Variants in PDE1B observed in about 807,000 individuals in gnomAD.
PDE1B encodes the protein phosphodiesterase 1B.
A neutral mutation model predicts 66.7 loss-of-function variants in PDE1B; 13 were observed. The ratio of observed to expected loss-of-function variants is 0.19; its 90% CI spans 0.13 to 0.31. The LOEUF (loss-of-function observed/expected upper bound fraction) is 0.31. Among genes scored for constraint, PDE1B ranks in the 10% least tolerant of loss-of-function variants. The probability of loss-of-function intolerance (pLI) is 1.00; values close to 1 mark genes in which losing one functional copy is unlikely to be tolerated. For synonymous variants in PDE1B, 230 were observed against 253.9 expected (o/e 0.91, Z 0.90); for missense variants, 485 against 682.3 (o/e 0.71, Z 3.22).
intron 15 of PDE1B, 43 bp from the exon 16 acceptor site, chr12:54,577,817 A>T: frequency 2.7e-6 from 1 of 365,808 alleles, no homozygotes; most frequent in South Asian, 9.8e-5. Flanking sequence ...GTTGGAGGTG[A>T]AGGCAAAGCT....
chr12:54,575,890 C>A lies in PDE1B; in HGVS notation c.1268-102C>A. The A allele has an allele frequency of 1.1e-6, 1 of 912,938 alleles. No individual in the cohort carries two copies. The highest frequency in any genetic ancestry group is 1.8e-6 in the Non-Finnish European group (1 of 552,278). 56.6% of individuals were successfully genotyped at this position (912,938 alleles called of 1,614,324 possible). ...CAGCCCCAGGTTACCTCTCCATCCT[C>A]TTTCATAAGCAGCCAGGGGTCCTGG... is the stretch of plus-strand genomic sequence containing the variant. On this transcript the variant is annotated intron_variant, in intron 12 of 15. Coordinates refer to ENST00000243052, the MANE Select transcript of PDE1B (RefSeq NM_000924.4). The surrounding 1 kb of genome is among the most constrained non-coding windows in gnomAD (Gnocchi z 4.0).
intron 5 of PDE1B, 45 bp from the exon 6 acceptor site, chr12:54,570,196 C>T: frequency 8.5e-7 from 1 of 1,177,488 alleles, no homozygotes; most frequent in African/African-American, 1.5e-5. Flanking sequence ...TAACTTCAAC[C>T]CTTGCTGCTG....
intron 15 of PDE1B, 63 bp downstream of exon 15, chr12:54,577,408 C>T (rs767892494): frequency 4.2e-5 from 68 of 1,607,136 alleles, no homozygotes; most frequent in South Asian, 2.2e-4. Flanking sequence ...TTTGTTGGGT[C>T]GTCTCTGGGC....
intron 6 of PDE1B, 138 bp downstream of exon 6, chr12:54,570,495 C>T (rs1398586227): frequency 1.5e-6 from 1 of 648,366 alleles, no homozygotes; most frequent in African/African-American, 1.8e-5. Flanking sequence ...CATGCCCACG[C>T]CCAGCCTAGC....
chr12:54,576,794 C>G (rs1196960732), intron 14 of PDE1B, 93 bp downstream of exon 14: 15 of 1,363,018 alleles, frequency 1.1e-5, no homozygotes, highest in Non-Finnish European at 1.5e-5. Flanking sequence ...CTGGGGAAAC[C>G]CTTTGCCGGA....
At chr12:54,560,733 C>G (rs1455680377) in intron 2 of PDE1B, among the ~76,000 whole-genome samples, 1 of 152,208 alleles carries the variant, frequency 6.6e-6, no homozygotes, top group Non-Finnish European at 1.5e-5. Context: ...CTCTTTTGGC[C>G]CCTCCTGGGC....
intron 2 of PDE1B, among the ~76,000 whole-genome samples, chr12:54,553,065 T>A (rs1261883080): frequency 6.6e-6 from 1 of 152,200 alleles, no homozygotes; most frequent in Non-Finnish European, 1.5e-5. Context: ...CAGTCGGTGG[T>A]GGACAAAACA....
At chr12:54,556,253 G>T (rs1957340618) in intron 2 of PDE1B, among the ~76,000 whole-genome samples, 1 of 152,154 alleles carries the variant, frequency 6.6e-6, no homozygotes, top group South Asian at 2.1e-4. Flanking sequence ...ACTGGAAGTT[G>T]TTAGATAATG....
intron 2 of PDE1B, among the ~76,000 whole-genome samples, chr12:54,564,005 C>T (rs1189703949): frequency 6.6e-6 from 1 of 152,092 alleles, no homozygotes; most frequent in Non-Finnish European, 1.5e-5. Context: ...TCTTGTATAG[C>T]TTCTGTTGAA....
In PDE1B at chr12:54,567,051, C is replaced by T; in HGVS notation, c.191C>T (p.Ala64Val). ...EELKKNLEYT[A>V]SLLEAVYIDE... is the part of the protein sequence containing the mutation. ...CTGAAGAAAAATCTGGAGTACACAG[C>T]TTCTCTGCTGGAAGCCGTCTACATA... The change falls in exon 3 of 16, where the codon GCT becomes GTT. Residue 64 changes from alanine (A) to valine (V), a missense_variant. Ala to Val is a moderately conservative substitution (Grantham distance 64, BLOSUM62 0). This residue lies in a region of PDE1B where 74 missense variants were observed against 78.7 expected (regional missense o/e 0.94). Transcript: ENST00000243052. The T allele has an allele frequency of 6.2e-7, 1 of 1,608,108 alleles. No individual in the cohort carries two copies. Among genetic ancestry groups the T allele is most frequent in the East Asian group, 2.2e-5 (1 of 44,814 alleles).
chr12:54,575,837 C>T lies in PDE1B; in HGVS notation c.1268-155C>T. On this transcript the variant is annotated intron_variant, in intron 12 of 15. Coordinates refer to ENST00000243052, the MANE Select transcript of PDE1B (RefSeq NM_000924.4). The surrounding 1 kb of genome is among the most constrained non-coding windows in gnomAD (Gnocchi z 4.0). ...TCTCTGGGGCACCAAGACATCATCC[C>T]AAAGCCTGCCCTGCATTGGGAAGTT... 9 of 743,382 alleles carry T rather than the reference C, an allele frequency of 1.2e-5. No individual in the cohort carries two copies. The South Asian group carries it at 1.4e-4, about 12-fold the overall frequency. The allele number at this position is 743,382 out of a possible 1,614,324, so 46.0% of individuals were successfully genotyped here.
At position 54,573,906 on chromosome 12, in the gene PDE1B, TG is replaced by T. The variant is rs1957672983; in HGVS notation, c.1064+198del. 3.4e-6 allele frequency: 2 copies of T among 580,952 alleles called. No individual in the cohort carries two copies. Among genetic ancestry groups the T allele is most frequent in the Non-Finnish European group, 6.2e-6 (2 of 322,288 alleles). 36.0% of individuals were successfully genotyped at this position (580,952 alleles called of 1,614,324 possible). The stretch of plus-strand genomic sequence containing the variant: ...GTGTGTGTGTGTGTGTGTGTGTGTG[TG>T]TGTGTCCTTACGTTTACTCACAGCC... On this transcript the variant is annotated intron_variant, in intron 10 of 15. Transcript: ENST00000243052. The surrounding 1 kb of genome is among the most constrained non-coding windows in gnomAD (Gnocchi z 5.2).
Position 54,562,517 on chromosome 12 carries a change from G to A in PDE1B, c.114-4457G>A, listed in dbSNP as rs144462978. Among the ~76,000 whole-genome samples the A allele has an allele frequency of 3.2e-3, 489 of 152,328 alleles. 1 individual carries two copies. Among genetic ancestry groups the A allele is most frequent in the Middle Eastern group, 0.031 (9 of 294 alleles). On this transcript the variant is annotated intron_variant, in intron 2 of 15. Coordinates refer to ENST00000243052, the MANE Select transcript of PDE1B (RefSeq NM_000924.4). The stretch of plus-strand genomic sequence containing the variant: ...GGGGTTGAGCATCCTGTTCTACAGG[G>A]AAAGGTACCTTTACTGTGCCAGATT...
intron 2 of PDE1B, chr12:54,561,496 G>C: frequency 7.2e-7 from 1 of 1,385,962 alleles, no homozygotes; most frequent in Non-Finnish European, 9.4e-7. Flanking sequence ...AGGAAGGCAG[G>C]GGCCAAAGAG....
At chr12:54,576,802 G>A (rs760913858) in intron 14 of PDE1B, 101 bp downstream of exon 14, 9 of 1,292,034 alleles carry the variant, frequency 7.0e-6, no homozygotes, top group East Asian at 2.5e-5. Context: ...ACCCTTTGCC[G>A]GACTCCTTGA....
chr12:54,553,736 C>T lies in PDE1B; in HGVS notation c.113+3751C>T, dbSNP rs1957309038. ...GGAGGAAAGGGAGATGATGATGATG[C>T]TGTTTTTTTGAGAGGGTGATGCTTA... On this transcript the variant is annotated intron_variant, in intron 2 of 15. Transcript: ENST00000243052. 2.6e-5 allele frequency among the ~76,000 whole-genome samples: 4 copies of T among 151,884 alleles called. No individual in the cohort carries two copies. The South Asian group carries it at 6.2e-4, about 24-fold the overall frequency.
intron 2 of PDE1B, among the ~76,000 whole-genome samples, chr12:54,566,632 C>T (rs555827810): frequency 1.0e-3 from 152 of 152,340 alleles, no homozygotes; most frequent in African/African-American, 3.6e-3. Flanking sequence ...AAAAACATCA[C>T]TCCAGGGGCT....
At chr12:54,568,366 G>C (rs187431564) in intron 3 of PDE1B, among the ~76,000 whole-genome samples, 8 of 152,018 alleles carry the variant, frequency 5.3e-5, no homozygotes, top group South Asian at 4.2e-4. Context: ...GGAGGCTGAG[G>C]GGGGAGGATC....
At chr12:54,550,820 A>G (rs932347824) in intron 2 of PDE1B, among the ~76,000 whole-genome samples, 3 of 152,202 alleles carry the variant, frequency 2.0e-5, no homozygotes, top group African/African-American at 7.2e-5. Context: ...GAACTCAGGT[A>G]TCTGATACTC....
Sources: gnomAD v4.1 joint callset for allele counts (sites outside exome capture counted in the v4.1 genomes callset) on GRCh38, gnomAD v4.1.1 for gene constraint, gnomAD v4.1.1 regional missense constraint, Gnocchi (gnomAD v3.1) non-coding constraint, MANE v1.5 for transcripts, NCBI Gene and HGNC (gene_info 2026-07-23, HGNC 2026-07-21) for gene names.